Variants in SEC22C observed in about 807,000 individuals in gnomAD.
SEC22C encodes SEC22 homolog C, vesicle trafficking protein, also known as vesicle-trafficking protein SEC22c.
In SEC22C, 29 loss-of-function variants were observed where a neutral mutation model predicts 34.7. The ratio of observed to expected loss-of-function variants is 0.84; its 90% confidence interval spans 0.62 to 1.14. The LOEUF (loss-of-function observed/expected upper bound fraction) is 1.14. SEC22C is among the 50% of genes most tolerant of loss of function. The pLI is 0.00. For synonymous variants in SEC22C, 117 were observed against 132.8 expected, an observed-to-expected ratio of 0.88 and a Z score of 0.82; for missense variants, 337 against 369.0, an observed-to-expected ratio of 0.91 and a Z score of 0.71.
intron 4 of SEC22C, 49 bp from the exon 5 acceptor site, chr3:42,557,745 G>T: frequency 1.1e-6 from 1 of 922,558 alleles, no homozygotes; most frequent in Non-Finnish European, 1.8e-6. Flanking sequence ...ATTTCTACAT[G>T]AAAGAAAAAT....
intron 1 of SEC22C, among the ~76,000 whole-genome samples, chr3:42,595,340 C>T (rs369345463): frequency 2.0e-3 from 312 of 152,208 alleles, no homozygotes; most frequent in African/African-American, 7.3e-3. Context: ...AGAATTCTCT[C>T]GTGTTCTACA....
At chr3:42,568,187 T>A (rs1438405242) in intron 2 of SEC22C, among the ~76,000 whole-genome samples, 1 of 151,996 alleles carries the variant, frequency 6.6e-6, no homozygotes, top group African/African-American at 2.4e-5. Flanking sequence ...ATTTCTTGGC[T>A]TTCTAACTCT....
intron 4 of SEC22C, among the ~76,000 whole-genome samples, chr3:42,559,071 A>T (rs879945169): frequency 1.4e-4 from 21 of 152,210 alleles, no homozygotes; most frequent in Non-Finnish European, 2.5e-4. Context: ...AATTAGAACA[A>T]ATGCTCATTT....
rs1373024838 is a variant in SEC22C, at chr3:42,549,136, T to C, written c.*4112A>G. On this transcript the variant is annotated 3_prime_UTR_variant, in exon 7 of 7. Coordinates refer to ENST00000264454, the MANE Select transcript of SEC22C (RefSeq NM_032970.4). ...GCACAGCTACACTCTTTCTCCACCATTATTAACACTCACAGGGCACAGGTA... is the reference window on the plus strand; with the variant it reads ...GCACAGCTACACTCTTTCTCCACCACTATTAACACTCACAGGGCACAGGTA... The C allele has an allele frequency of 1.0e-6, 1 of 991,494 alleles. No homozygotes were observed. The highest frequency in any genetic ancestry group is 5.7e-5 in the Admixed American group (1 of 17,498). 61.4% of individuals were successfully genotyped at this position (991,494 alleles called of 1,614,324 possible). A position where few individuals can be genotyped will look rare whatever the true frequency, so the allele number is the denominator to read the frequency against.
In SEC22C at chr3:42,591,199, TC is replaced by T; in HGVS notation, c.-28+9760del. On this transcript the variant is annotated intron_variant, in intron 1 of 6. Coordinates refer to the SEC22C transcript ENST00000417572. ...CGTCACACTGCACTAACCCTTTCTC[TC>T]CTTTTTTTTTTTTTTTTGAGACGGA... 4 of 547,250 alleles carry T rather than the reference TC, an allele frequency of 7.3e-6. No individual in the cohort carries two copies. The East Asian group carries it at 1.2e-4, about 16-fold the overall frequency. The allele number at this position is 547,250 out of a possible 1,614,324, so 33.9% of individuals were successfully genotyped here. A position where few individuals can be genotyped will look rare whatever the true frequency, so the allele number is the denominator to read the frequency against.
In SEC22C at chr3:42,551,462, C is replaced by T. The variant is rs1328038488; in HGVS notation, c.*1786G>A. The stretch of plus-strand genomic sequence containing the variant: ...ACTCAAGGGATCCTCCTGCCTCAGA[C>T]TCCCAAAGTGCTGGGATTACAGGCA... On this transcript the variant is annotated 3_prime_UTR_variant, in exon 7 of 7. Transcript: ENST00000264454. 3.3e-6 allele frequency: 2 copies of T among 599,632 alleles called. No individual in the cohort carries two copies. Among genetic ancestry groups the T allele is most frequent in the Non-Finnish European group, 4.2e-6 (2 of 477,806 alleles). 37.1% of individuals were successfully genotyped at this position (599,632 alleles called of 1,614,324 possible). A position where few individuals can be genotyped will look rare whatever the true frequency, so the allele number is the denominator to read the frequency against.
At chr3:42,583,012 C>T (rs1417714301), upstream of SEC22C, among the ~76,000 whole-genome samples, 1 of 152,158 alleles carries the variant, frequency 6.6e-6, no homozygotes, top group Non-Finnish European at 1.5e-5. Context: ...TGGTTATGTA[C>T]ATTTTACCAC....
intron 1 of SEC22C, among the ~76,000 whole-genome samples, chr3:42,569,809 C>A (rs921158730): frequency 1.3e-5 from 2 of 152,042 alleles, no homozygotes; most frequent in Non-Finnish European, 2.9e-5. Flanking sequence ...CCTCGTGGTG[C>A]CTTGGGCAGA....
intron 1 of SEC22C, among the ~76,000 whole-genome samples, chr3:42,571,401 T>A (rs1002901335): frequency 1.3e-5 from 2 of 152,224 alleles, no homozygotes; most frequent in Non-Finnish European, 2.9e-5. Flanking sequence ...AAGTCTTTTT[T>A]AAATATTTGT....
At chr3:42,592,833 C>T (rs1226942495) in intron 1 of SEC22C, among the ~76,000 whole-genome samples, 2 of 152,156 alleles carry the variant, frequency 1.3e-5, no homozygotes, top group East Asian at 3.9e-4. Flanking sequence ...TTTCTGAGCC[C>T]TTGTCTGATT....
chr3:42,568,247 C>CTTTT (rs375339464), intron 2 of SEC22C, among the ~76,000 whole-genome samples: 11 of 151,822 alleles, frequency 7.2e-5, no homozygotes, highest in African/African-American at 2.4e-4. Context: ...CCCTCCTTAC[C>CTTTT]TTTTCTCTTC....
chr3:42,552,909 A>G lies in SEC22C; in HGVS notation c.*339T>C, dbSNP rs1702316739. The G allele has an allele frequency of 4.6e-6, 5 of 1,076,456 alleles. No individual in the cohort carries two copies. The highest frequency in any genetic ancestry group is 4.5e-6 in the Non-Finnish European group (4 of 886,658). The allele number at this position is 1,076,456 out of a possible 1,614,324, so 66.7% of individuals were successfully genotyped here. ...CAATGACTAAAACCAGTGTTATTGA[A>G]TCAAGTGGTTTACTGTATCATTCAA... On this transcript the variant is annotated 3_prime_UTR_variant, in exon 7 of 7. Coordinates refer to ENST00000264454, the MANE Select transcript of SEC22C (RefSeq NM_032970.4).
intron 1 of SEC22C, among the ~76,000 whole-genome samples, chr3:42,596,561 A>G (rs1705037216): frequency 1.3e-5 from 2 of 152,198 alleles, no homozygotes; most frequent in Non-Finnish European, 2.9e-5. Flanking sequence ...CCACTCTTGG[A>G]AGAGATGGAG....
intron 1 of SEC22C, chr3:42,573,467 G>C (rs1038292584): frequency 6.6e-6 from 1 of 152,330 alleles, no homozygotes; most frequent in Admixed American, 6.5e-5. Context: ...TGAGATGGCA[G>C]TGAGCCAAGA....
At chr3:42,599,646 C>A (rs1172279134) in intron 1 of SEC22C, among the ~76,000 whole-genome samples, 1 of 151,120 alleles carries the variant, frequency 6.6e-6, no homozygotes, top group African/African-American at 2.4e-5. Context: ...GAGCCGAGAT[C>A]CCGCCACTGC....
chr3:42,582,539 T>C (rs1028761041), upstream of SEC22C, among the ~76,000 whole-genome samples: 9 of 152,262 alleles, frequency 5.9e-5, no homozygotes, highest in Admixed American at 6.5e-5. Context: ...CATTTATTCA[T>C]TTAGCAAGTA....
intron 1 of SEC22C, chr3:42,590,696 A>G: frequency 1.6e-6 from 1 of 632,410 alleles, no homozygotes; most frequent in Non-Finnish European, 2.8e-6. Context: ...GCGCAAGCGC[A>G]AAGGATACGA....
At chr3:42,564,132 T>C (rs1703092486) in intron 2 of SEC22C, 1 of 348,730 alleles carries the variant, frequency 2.9e-6, no homozygotes, top group Admixed American at 4.3e-5. Flanking sequence ...AACATTTTAA[T>C]TGGGACTTTT....
chr3:42,581,627 G>C (rs568906538), intron 1 of SEC22C, among the ~76,000 whole-genome samples: 1 of 152,276 alleles, frequency 6.6e-6, no homozygotes, highest in South Asian at 2.1e-4. Flanking sequence ...CGTGCCTTGG[G>C]TGGCCCCGGG....
Sources: allele counts gnomAD v4.1 joint callset (sites outside exome capture counted in the v4.1 genomes callset), GRCh38; gene constraint gnomAD v4.1.1; transcripts MANE v1.5; gene names NCBI Gene and HGNC (gene_info 2026-07-23, HGNC 2026-07-21).